Variants in LYZL4 observed in about 807,000 individuals in gnomAD.
LYZL4 encodes lysozyme-like protein 4.
In LYZL4, 13 loss-of-function variants were observed where a neutral mutation model predicts 17.6. The observed-to-expected ratio is 0.74, with a 90% CI of 0.48 to 1.18. The LOEUF (loss-of-function observed/expected upper bound fraction) is 1.18. Ranked by LOEUF, LYZL4 falls within the 50% of genes most tolerant of loss-of-function variation. The probability of loss-of-function intolerance (pLI) is 0.00; values close to 1 mark genes in which losing one functional copy is unlikely to be tolerated. For missense variants in LYZL4, 174 were observed against 188.2 expected, an observed-to-expected ratio of 0.92 and a Z score of 0.44; for synonymous variants, 64 against 67.7, an observed-to-expected ratio of 0.95 and a Z score of 0.27.
intron 3 of LYZL4, among the ~76,000 whole-genome samples, chr3:42,406,041 A>G (rs373283711): frequency 5.3e-5 from 8 of 152,280 alleles, no homozygotes; most frequent in Admixed American, 6.5e-5. Flanking sequence ...ACCTCCCCTT[A>G]ATCACAGGTA....
chr3:42,375,827 A>G, the LYZL4 span, among the ~76,000 whole-genome samples: 1 of 152,302 alleles, frequency 6.6e-6, no homozygotes, highest in Middle Eastern at 3.4e-3. Flanking sequence ...AGAAAGCAGG[A>G]GCGGGGACAT....
At chr3:42,374,922 C>T in the LYZL4 span, among the ~76,000 whole-genome samples, 6 of 152,282 alleles carry the variant, frequency 3.9e-5, no homozygotes, top group South Asian at 4.2e-4. Context: ...CATCCTCCCA[C>T]CTCAGCTCCC....
At chr3:42,363,253 C>T in the LYZL4 span, among the ~76,000 whole-genome samples, 3 of 152,072 alleles carry the variant, frequency 2.0e-5, no homozygotes, top group African/African-American at 7.2e-5. Flanking sequence ...AGCCATAAAA[C>T]ACATTTTTGG....
At chr3:42,399,272 G>T (rs1698611897) in intron 4 of LYZL4, among the ~76,000 whole-genome samples, 1 of 152,148 alleles carries the variant, frequency 6.6e-6, no homozygotes, top group African/African-American at 2.4e-5. Context: ...TTAGCAACTG[G>T]TCTCTCCAAC....
chr3:42,377,158 A>G, the LYZL4 span, among the ~76,000 whole-genome samples: 1 of 152,162 alleles, frequency 6.6e-6, no homozygotes, highest in African/African-American at 2.4e-5. Context: ...TTTGGTGACA[A>G]GTGAGTCTCC....
chr3:42,393,802 G>GT (rs1361722284), downstream of LYZL4, among the ~76,000 whole-genome samples: 1 of 151,946 alleles, frequency 6.6e-6, no homozygotes, highest in Non-Finnish European at 1.5e-5. Context: ...ATTTTTGTTT[G>GT]TTTTTTTGAG....
chr3:42,404,075 A>G lies in LYZL4; in HGVS notation c.342T>C (p.Ile114=). Reference sequence around the variant, plus strand: ...CTCCCATCCCTTCTTTTCCTTTTACAATGGTCTTGGCACATTTAATTGTCT... The same window carrying G: ...CTCCCATCCCTTCTTTTCCTTTTACGATGGTCTTGGCACATTTAATTGTCT... ...LEKTIKCAKT[I]VKGKEGMGAW... The change falls in exon 4 of 5, where the codon ATT becomes ATC. Residue 114 remains isoleucine, a synonymous_variant. Coordinates refer to ENST00000287748, the MANE Select transcript of LYZL4 (RefSeq NM_144634.4). 1 of 1,612,950 alleles carries G rather than the reference A, an allele frequency of 6.2e-7. No homozygotes were observed. Among genetic ancestry groups the G allele is most frequent in the Non-Finnish European group, 8.5e-7 (1 of 1,179,006 alleles).
the LYZL4 span, among the ~76,000 whole-genome samples, chr3:42,361,702 C>T: frequency 6.6e-6 from 1 of 152,048 alleles, no homozygotes; most frequent in East Asian, 1.9e-4. Context: ...TGCACTCCAG[C>T]CTGGTTAACT....
the LYZL4 span, among the ~76,000 whole-genome samples, chr3:42,388,606 G>A: frequency 5.3e-5 from 8 of 152,294 alleles, no homozygotes; most frequent in African/African-American, 1.4e-4. Flanking sequence ...CTAGAGAGGC[G>A]GCTCCCAAGG....
the LYZL4 span, among the ~76,000 whole-genome samples, chr3:42,364,335 T>C: frequency 2.2e-5 from 3 of 136,436 alleles, no homozygotes; most frequent in Non-Finnish European, 4.6e-5. Flanking sequence ...TTTTCCTTTT[T>C]CTTTTCTTTT....
intron 4 of LYZL4, among the ~76,000 whole-genome samples, chr3:42,398,346 C>T (rs993900955): frequency 6.6e-6 from 1 of 152,186 alleles, no homozygotes; most frequent in African/African-American, 2.4e-5. Flanking sequence ...ATCTGCCTGG[C>T]TTAGCATAGC....
the LYZL4 span, among the ~76,000 whole-genome samples, chr3:42,376,138 A>G: frequency 6.6e-6 from 1 of 152,204 alleles, no homozygotes; most frequent in Admixed American, 6.5e-5. Flanking sequence ...GGATGTCCTG[A>G]GAGTTAAGCC....
chr3:42,380,558 A>G, the LYZL4 span, among the ~76,000 whole-genome samples: 194 of 152,310 alleles, frequency 1.3e-3, no homozygotes, highest in Non-Finnish European at 2.2e-3. Flanking sequence ...CTCTGTATAC[A>G]TAATTGTCCC....
chr3:42,385,132 C>A, the LYZL4 span, among the ~76,000 whole-genome samples: 1 of 151,798 alleles, frequency 6.6e-6, no homozygotes, highest in African/African-American at 2.4e-5. Context: ...AAAAAAATAA[C>A]CTAATTAAAT....
chr3:42,364,487 C>T, the LYZL4 span, among the ~76,000 whole-genome samples: 1 of 151,894 alleles, frequency 6.6e-6, no homozygotes, highest in Non-Finnish European at 1.5e-5. Context: ...GGATTACAGG[C>T]ACTCGCCACC....
the LYZL4 span, among the ~76,000 whole-genome samples, chr3:42,375,829 C>T: frequency 3.3e-5 from 5 of 152,074 alleles, no homozygotes; most frequent in African/African-American, 4.8e-5. Flanking sequence ...AAAGCAGGAG[C>T]GGGGACATTG....
intron 3 of LYZL4, 87 bp from the exon 4 acceptor site, chr3:42,404,211 T>TC: frequency 1.3e-6 from 1 of 746,002 alleles, no homozygotes; most frequent in South Asian, 1.9e-5. Context: ...GGTACTCACA[T>TC]CAGAGAGTCT....
At chr3:42,388,201 T>C in the LYZL4 span, among the ~76,000 whole-genome samples, 1 of 152,102 alleles carries the variant, frequency 6.6e-6, no homozygotes, top group Non-Finnish European at 1.5e-5. Context: ...TGTGGGCAGT[T>C]AGAAACATCC....
the LYZL4 span, among the ~76,000 whole-genome samples, chr3:42,390,300 G>A: frequency 6.6e-6 from 1 of 152,170 alleles, no homozygotes; most frequent in Admixed American, 6.5e-5. Context: ...TGATGGACAA[G>A]ATGAGCTATA....
Sources: allele counts gnomAD v4.1 joint callset (sites outside exome capture counted in the v4.1 genomes callset), GRCh38; gene constraint gnomAD v4.1.1; transcripts MANE v1.5; gene names NCBI Gene and HGNC (gene_info 2026-07-23, HGNC 2026-07-21).